Variants in AKAP13 observed in about 807,000 individuals in gnomAD.
AKAP13 encodes A-kinase anchor protein 13.
AKAP13 carries 80 observed loss-of-function variants against 264.5 expected under a neutral mutation model. The ratio of observed to expected loss-of-function variants is 0.30; its 90% confidence interval spans 0.25 to 0.36. The LOEUF is 0.36. Among genes scored for constraint, AKAP13 ranks in the 10% least tolerant of loss-of-function variants. The pLI, the probability that AKAP13 is intolerant of heterozygous loss-of-function variation, is 1.00. For synonymous variants in AKAP13, 1,380 were observed against 1,250.2 expected (o/e 1.10, Z -2.19); for missense variants, 3,712 against 3,435.2 (o/e 1.08, Z -2.01).
intron 14 of AKAP13, among the ~76,000 whole-genome samples, chr15:85,674,642 A>G (rs937102782): frequency 2.0e-5 from 3 of 152,336 alleles, no homozygotes; most frequent in South Asian, 2.1e-4. Flanking sequence ...AGCTAAGGCC[A>G]TCTTGAGAGC....
At chr15:85,472,112 T>C (rs1950346551) in intron 1 of AKAP13, among the ~76,000 whole-genome samples, 1 of 152,104 alleles carries the variant, frequency 6.6e-6, no homozygotes, top group South Asian at 2.1e-4. Flanking sequence ...GTTACAATTA[T>C]TTGAAATTTC....
chr15:85,710,671 T>G, intron 19 of AKAP13, 26 bp downstream of exon 19: 3 of 1,609,776 alleles, frequency 1.9e-6, no homozygotes, highest in Non-Finnish European at 2.5e-6. Context: ...CACCTCTCAA[T>G]TCCCTTTCTG....
intron 5 of AKAP13, among the ~76,000 whole-genome samples, chr15:85,560,916 G>C (rs961372711): frequency 1.3e-5 from 2 of 152,032 alleles, no homozygotes; most frequent in Non-Finnish European, 2.9e-5. Context: ...CCACCTGTAG[G>C]TTACTTTAAT....
intron 10 of AKAP13, among the ~76,000 whole-genome samples, chr15:85,648,497 T>C (rs1369766440): frequency 4.6e-5 from 7 of 152,170 alleles, no homozygotes; most frequent in Admixed American, 4.6e-4. Context: ...CTCATATAAA[T>C]GGCCTGTGCT....
chr15:85,743,427 T>TAA, intron 35 of AKAP13, 65 bp from the exon 36 acceptor site: 1 of 1,534,026 alleles, frequency 6.5e-7, no homozygotes, highest in Non-Finnish European at 8.9e-7. Flanking sequence ...AGCCAGGATT[T>TAA]ATTGAGTTGG....
chr15:85,417,282 C>A (rs1054548726), intron 1 of AKAP13, among the ~76,000 whole-genome samples: 1 of 152,110 alleles, frequency 6.6e-6, no homozygotes, highest in Non-Finnish European at 1.5e-5. Context: ...ATTTTAGAAA[C>A]CTCATTTTCA....
rs761316990 is a variant in AKAP13, at chr15:85,693,429, C to T, written c.5442C>T (p.Asn1814=). 6 of 1,613,288 alleles carry T rather than the reference C, an allele frequency of 3.7e-6. No individual in the cohort carries two copies. In the Admixed American group the frequency reaches 1.0e-4, roughly 27 times the overall value. Residue 1814 remains asparagine (N), a synonymous_variant, in exon 17 of 37, where the codon AAC becomes AAT. Coordinates refer to ENST00000394518, the MANE Select transcript of AKAP13 (RefSeq NM_007200.5). The part of the protein sequence containing the change: ...SCSQCMKPFT[N]KDAYTCANCS... ...GCCAGTGTATGAAGCCCTTCACCAA[C>T]AAAGATGCCTATACTTGTGCAAGTA...
chr15:85,444,654 TCA>T (rs2073838507), intron 1 of AKAP13, among the ~76,000 whole-genome samples: 1 of 152,198 alleles, frequency 6.6e-6, no homozygotes, highest in Non-Finnish European at 1.5e-5. Context: ...GACTACAGAA[TCA>T]GTCTTAATCT....
At chr15:85,735,214 G>A in intron 31 of AKAP13, 64 bp downstream of exon 31, 2 of 1,560,934 alleles carry the variant, frequency 1.3e-6, no homozygotes. Flanking sequence ...AACTCAAAAT[G>A]ACTTGTACTT....
In AKAP13 at chr15:85,727,926, G is replaced by A. The variant is rs2087713342; in HGVS notation, c.7087+463G>A. Among the ~76,000 whole-genome samples, 1 of 152,130 alleles carries A rather than the reference G, an allele frequency of 6.6e-6. No homozygotes were observed. Among genetic ancestry groups the A allele is most frequent in the South Asian group, 2.1e-4 (1 of 4,832 alleles). On this transcript the variant is annotated intron_variant, in intron 29 of 36. Transcript: ENST00000394518. This position sits in a 1 kb window ranked among gnomAD's most constrained non-coding sequence, Gnocchi z 5.3. ...TTGTGAGGTGAAGTTTTGGGAGCAGGGTATGTATCAATCTATGTTTGACCC... is the reference window on the plus strand; with the variant it reads ...TTGTGAGGTGAAGTTTTGGGAGCAGAGTATGTATCAATCTATGTTTGACCC...
chr15:85,658,440 AG>A, intron 11 of AKAP13, 96 bp from the exon 12 acceptor site: 1 of 976,630 alleles, frequency 1.0e-6, no homozygotes, highest in Non-Finnish European at 1.6e-6. Context: ...CTCTTTGAGC[AG>A]TGTCTCTCTC....
At chr15:85,447,749 A>G (rs959445605) in intron 1 of AKAP13, among the ~76,000 whole-genome samples, 4 of 152,022 alleles carry the variant, frequency 2.6e-5, no homozygotes, top group African/African-American at 9.7e-5. Context: ...TATGTACCAC[A>G]TTTTCTTTAT....
At chr15:85,594,437 A>T (rs1305038155) in intron 8 of AKAP13, among the ~76,000 whole-genome samples, 1 of 152,236 alleles carries the variant, frequency 6.6e-6, no homozygotes, top group Admixed American at 6.5e-5. Flanking sequence ...AGTGAAATGG[A>T]CGCTAAATTC....
At position 85,581,391 on chromosome 15, in the gene AKAP13, T is replaced by C. The variant is rs2079140346; in HGVS notation, c.3323T>C (p.Ile1108Thr). ...ATGGCTGAGCCCAGAAGAGAGAATATATCACACAACACCCAAGACATCCTG... is the reference window on the plus strand; with the variant it reads ...ATGGCTGAGCCCAGAAGAGAGAATACATCACACAACACCCAAGACATCCTG... The part of the protein sequence containing the change: ...QGMAEPRREN[I>T]SHNTQDILIP... The change falls in exon 7 of 37, where the codon ATA becomes ACA. Residue 1108 changes from isoleucine (I) to threonine (T), a missense_variant. Physicochemically the swap from Ile to Thr is moderately conservative, Grantham distance 89. Transcript: ENST00000394518. 2 of 1,614,060 alleles carry C rather than the reference T, an allele frequency of 1.2e-6. No individual in the cohort carries two copies. Among genetic ancestry groups the C allele is most frequent in the South Asian group, 1.1e-5 (1 of 91,090 alleles).
intron 4 of AKAP13, among the ~76,000 whole-genome samples, chr15:85,538,036 G>A (rs952069605): frequency 6.6e-6 from 1 of 152,138 alleles, no homozygotes; most frequent in African/African-American, 2.4e-5. Context: ...CGTGAATGGT[G>A]GGGTAAGGAC....
At chr15:85,628,667 A>G (rs2081546144) in intron 8 of AKAP13, among the ~76,000 whole-genome samples, 1 of 137,070 alleles carries the variant, frequency 7.3e-6, no homozygotes, top group African/African-American at 3.2e-5. Flanking sequence ...ACAAACAAAC[A>G]GCAGTTTTTT....
Position 85,743,722 on chromosome 15 carries a change from C to G in AKAP13, c.8289C>G (p.Ala2763=). The G allele has an allele frequency of 6.2e-7, 1 of 1,614,128 alleles. No individual in the cohort carries two copies. The highest frequency in any genetic ancestry group is 1.1e-5 in the South Asian group (1 of 91,072). The part of the protein sequence containing the change: ...TNKGPEGQSQ[A]PASTSASTRL... ...AAGGACCAGAAGGGCAGAGCCAGGC[C>G]CCTGCGTCCACCTCTGCCTCTACCC... Residue 2763 remains alanine, a synonymous_variant, in exon 36 of 37, where the codon GCC becomes GCG. Coordinates refer to ENST00000394518, the MANE Select transcript of AKAP13 (RefSeq NM_007200.5).
intron 17 of AKAP13, among the ~76,000 whole-genome samples, chr15:85,697,994 G>A (rs1236727131): frequency 2.0e-5 from 3 of 152,132 alleles, no homozygotes; most frequent in Non-Finnish European, 4.4e-5. Context: ...AATATTTATT[G>A]AATATCAATA....
intron 8 of AKAP13, among the ~76,000 whole-genome samples, chr15:85,609,495 C>G (rs544416601): frequency 6.6e-6 from 1 of 152,308 alleles, no homozygotes; most frequent in South Asian, 2.1e-4. Context: ...ATATGTACCA[C>G]ATTTTCTTTA....
Sources: gnomAD v4.1 joint callset for allele counts (sites outside exome capture counted in the v4.1 genomes callset) on GRCh38, gnomAD v4.1.1 for gene constraint, Gnocchi (gnomAD v3.1) non-coding constraint, MANE v1.5 for transcripts, NCBI Gene and HGNC (gene_info 2026-07-23, HGNC 2026-07-21) for gene names.